The following NRXN3 variants were observed in gnomAD, a reference collection of about 807,000 sequenced individuals.
The protein encoded by NRXN3 is neurexin III.
Under a neutral mutation model 137.6 loss-of-function variants are expected in NRXN3, and 32 were observed. That is an observed-to-expected ratio of 0.23 (90% CI 0.18 to 0.31). The LOEUF (loss-of-function observed/expected upper bound fraction) is 0.31. Ranked by LOEUF, NRXN3 falls within the 10% of genes least tolerant of loss-of-function variation. The probability of loss-of-function intolerance (pLI) is 1.00; values close to 1 mark genes in which losing one functional copy is unlikely to be tolerated. For missense variants in NRXN3, 1,574 were observed against 2,062.5 expected, an observed-to-expected ratio of 0.76 and a Z score of 4.59; for synonymous variants, 798 against 784.5, an observed-to-expected ratio of 1.02 and a Z score of -0.29.
intron 16 of NRXN3, among the ~76,000 whole-genome samples, chr14:79,638,469 T>C (rs1336503637): frequency 6.6e-6 from 1 of 152,188 alleles, no homozygotes; most frequent in Non-Finnish European, 1.5e-5. Context: ...AATTGAAAAT[T>C]CAGGTCTGTC....
At chr14:79,678,419 T>TTCAA (rs1156261151) in intron 17 of NRXN3, among the ~76,000 whole-genome samples, 4 of 152,178 alleles carry the variant, frequency 2.6e-5, no homozygotes, top group Non-Finnish European at 4.4e-5. Context: ...TGAACCATTA[T>TTCAA]TCAATCAGAC....
intron 3 of NRXN3, chr14:78,283,373 A>G (rs532427288): frequency 6.6e-6 from 1 of 152,332 alleles, no homozygotes; most frequent in South Asian, 2.1e-4. Context: ...TACATTTTTA[A>G]ATGGCTGGGA....
chr14:79,298,974 A>T (rs1194692940), intron 15 of NRXN3: 1 of 152,444 alleles, frequency 6.6e-6, no homozygotes, highest in Non-Finnish European at 1.5e-5. Context: ...AAGAAGGCAG[A>T]AGGACCTTTG....
chr14:79,359,751 A>C (rs901636719), intron 15 of NRXN3, among the ~76,000 whole-genome samples: 1 of 151,806 alleles, frequency 6.6e-6, no homozygotes, highest in African/African-American at 2.4e-5. Context: ...TTGTATTTTT[A>C]GTAGACATGG....
At position 78,968,048 on chromosome 14, in the gene NRXN3, TCCCCCCC is replaced by T. The variant is rs57301001; in HGVS notation, c.2969-114_2969-108del. ...TCAGGTGCTTATCTCATTTATGCTG[TCCCCCCC>T]CCCCCCCCCCAGCTATCTTATTCCT... is the stretch of plus-strand genomic sequence containing the variant. On this transcript the variant is annotated intron_variant, in intron 13 of 20. Transcript: ENST00000335750. The T allele has an allele frequency of 3.7e-4, 20 of 54,564 alleles. 6 individuals carry two copies. The highest frequency in any genetic ancestry group is 6.3e-3 in the Middle Eastern group (1 of 160). 3.4% of individuals were successfully genotyped at this position (54,564 alleles called of 1,614,324 possible).
At chr14:79,045,761 C>T (rs2099632166) in intron 15 of NRXN3, among the ~76,000 whole-genome samples, 1 of 152,168 alleles carries the variant, frequency 6.6e-6, no homozygotes, top group African/African-American at 2.4e-5. Flanking sequence ...TACTATTTGC[C>T]TCCTCCAGTT....
At chr14:79,653,693 A>G (rs1214138805) in intron 16 of NRXN3, among the ~76,000 whole-genome samples, 1 of 151,888 alleles carries the variant, frequency 6.6e-6, no homozygotes, top group Non-Finnish European at 1.5e-5. Context: ...CTCTTATTTT[A>G]TATAACTTAT....
intron 15 of NRXN3, among the ~76,000 whole-genome samples, chr14:79,047,528 G>A (rs932623088): frequency 1.3e-5 from 2 of 152,022 alleles, no homozygotes; most frequent in East Asian, 3.9e-4. Context: ...CCCAGACATA[G>A]ACTGGGAGAA....
At chr14:79,824,225 G>A (rs1325781445) in intron 20 of NRXN3, among the ~76,000 whole-genome samples, 4 of 152,050 alleles carry the variant, frequency 2.6e-5, no homozygotes, top group African/African-American at 9.7e-5. Flanking sequence ...TCTCTCCCTC[G>A]ATAGGATGTC....
chr14:79,574,416 A>C (rs1465311193), intron 16 of NRXN3, among the ~76,000 whole-genome samples: 2 of 152,218 alleles, frequency 1.3e-5, no homozygotes, highest in Non-Finnish European at 2.9e-5. Flanking sequence ...ACAAGGATTA[A>C]TAATAGTATT....
chr14:79,586,232 G>A (rs2097764539), intron 16 of NRXN3, among the ~76,000 whole-genome samples: 1 of 152,094 alleles, frequency 6.6e-6, no homozygotes, highest in East Asian at 1.9e-4. Flanking sequence ...CTTGAAAATG[G>A]CAAAGTAAAA....
In NRXN3 at chr14:78,243,035, T is replaced by G; in HGVS notation, c.-59T>G. The G allele has an allele frequency of 3.2e-6, 4 of 1,259,044 alleles. No individual in the cohort carries two copies. The highest frequency in any genetic ancestry group is 4.3e-6 in the Non-Finnish European group (4 of 934,192). The allele number at this position is 1,259,044 out of a possible 1,614,324, so 78.0% of individuals were successfully genotyped here. A position where few individuals can be genotyped will look rare whatever the true frequency, so the allele number is the denominator to read the frequency against. On this transcript the variant is annotated 5_prime_UTR_variant, in exon 2 of 21. Coordinates refer to ENST00000335750, the MANE Select transcript of NRXN3 (RefSeq NM_001330195.2). This position sits in a 1 kb window ranked among gnomAD's most constrained non-coding sequence, Gnocchi z 4.2. ...CCACTTCTATTGCCAAAGGGAGAGA[T>G]CCTCTCCGGGCTGTTCCCTGGCCTG...
intron 19 of NRXN3, among the ~76,000 whole-genome samples, chr14:79,744,629 T>C (rs2098973421): frequency 6.6e-6 from 1 of 152,204 alleles, no homozygotes; most frequent in Non-Finnish European, 1.5e-5. Flanking sequence ...TTCCTAACAA[T>C]GGAATTGCAA....
intron 4 of NRXN3, among the ~76,000 whole-genome samples, chr14:78,331,200 G>A (rs2080779556): frequency 6.6e-6 from 1 of 152,176 alleles, no homozygotes; most frequent in African/African-American, 2.4e-5. Flanking sequence ...CTTGAAATGA[G>A]GATGATTAAA....
chr14:79,430,473 C>G (rs955358560), intron 15 of NRXN3, among the ~76,000 whole-genome samples: 4 of 152,218 alleles, frequency 2.6e-5, no homozygotes, highest in African/African-American at 7.2e-5. Context: ...TCCCATGTGA[C>G]TAGCCAAGAC....
chr14:79,049,022 CAAAAAAAAAAAAAAAA>C (rs1171306670), intron 15 of NRXN3, among the ~76,000 whole-genome samples: 1 of 29,478 alleles, frequency 3.4e-5, no homozygotes, highest in African/African-American at 1.9e-4. Context: ...AACTCCGTCT[CAAAAAAAAAAAAAAAA>C]AAAAAAAAAA....
chr14:79,072,461 T>C (rs1364862109), intron 15 of NRXN3: 1 of 152,190 alleles, frequency 6.6e-6, no homozygotes, highest in Non-Finnish European at 1.5e-5. Context: ...ATTGAGCAGG[T>C]TACGAACCTC....
At chr14:79,605,373 C>T (rs535389316) in intron 16 of NRXN3, among the ~76,000 whole-genome samples, 17 of 152,204 alleles carry the variant, frequency 1.1e-4, no homozygotes, top group South Asian at 4.2e-4. Context: ...GATGACTTCC[C>T]GCATACTACT....
chr14:79,574,249 T>A (rs2097644439), intron 16 of NRXN3, among the ~76,000 whole-genome samples: 1 of 151,946 alleles, frequency 6.6e-6, no homozygotes, highest in East Asian at 1.9e-4. Flanking sequence ...CACATACATA[T>A]ATACATATAT....
Sources: allele counts gnomAD v4.1 joint callset (sites outside exome capture counted in the v4.1 genomes callset), GRCh38; gene constraint gnomAD v4.1.1; non-coding constraint Gnocchi (gnomAD v3.1); transcripts MANE v1.5; gene names NCBI Gene and HGNC (gene_info 2026-07-23, HGNC 2026-07-21).